The following DRC9 variants were observed in gnomAD, a reference collection of about 807,000 sequenced individuals.
DRC9 encodes the protein dynein regulatory complex subunit 9, also known as dynein regulatory complex protein 9.
the DRC9 span, among the ~76,000 whole-genome samples, chr3:197,904,158 A>G: frequency 6.6e-6 from 1 of 150,580 alleles, no homozygotes; most frequent in Non-Finnish European, 1.5e-5. Context: ...TTCTGAAAAG[A>G]AGACACACAA....
At chr3:197,941,128 TTCC>T in the DRC9 span, among the ~76,000 whole-genome samples, 10 of 144,174 alleles carry the variant, frequency 6.9e-5, no homozygotes, top group African/African-American at 2.9e-4. Context: ...TTGTTTGTCC[TTCC>T]TTCCTTCCTT....
chr3:197,914,166 G>A, the DRC9 span: 1 of 796,376 alleles, frequency 1.3e-6, no homozygotes, highest in Non-Finnish European at 2.1e-6. Flanking sequence ...TTTTTCCGCT[G>A]TCACACAATG....
the DRC9 span, among the ~76,000 whole-genome samples, chr3:197,917,275 C>A: frequency 1.3e-5 from 2 of 152,324 alleles, no homozygotes; most frequent in South Asian, 4.1e-4. Context: ...TATGCTCATG[C>A]CATTGCACTT....
the DRC9 span, among the ~76,000 whole-genome samples, chr3:197,904,103 TA>T: frequency 4.6e-3 from 175 of 38,366 alleles, 2 homozygotes; most frequent in African/African-American, 0.011. Flanking sequence ...TATATATATA[TA>T]TATATATTTT....
At chr3:197,912,903 C>T in the DRC9 span, 4 of 674,280 alleles carry the variant, frequency 5.9e-6, no homozygotes, top group South Asian at 5.1e-5. Flanking sequence ...TTCACCAACA[C>T]TGCAGAGCCA....
the DRC9 span, among the ~76,000 whole-genome samples, chr3:197,952,993 G>A: frequency 5.3e-5 from 8 of 151,874 alleles, no homozygotes; most frequent in East Asian, 1.2e-3. Flanking sequence ...TAGAGACAGG[G>A]TTTCACCATG....
At chr3:197,959,479 T>G in the DRC9 span, 1 of 152,228 alleles carries the variant, frequency 6.6e-6, no homozygotes, top group African/African-American at 2.4e-5. Flanking sequence ...GTTTGTAACT[T>G]GAGGTTTTCC....
chr3:197,906,923 C>G, the DRC9 span, among the ~76,000 whole-genome samples: 1 of 152,174 alleles, frequency 6.6e-6, no homozygotes, highest in Non-Finnish European at 1.5e-5. Flanking sequence ...AGTAGGCAGC[C>G]CAACAATTTT....
At chr3:197,928,954 G>C in the DRC9 span, among the ~76,000 whole-genome samples, 1 of 152,200 alleles carries the variant, frequency 6.6e-6, no homozygotes, top group African/African-American at 2.4e-5. Flanking sequence ...TCAAAAGTCT[G>C]GCAAAGGAGC....
the DRC9 span, among the ~76,000 whole-genome samples, chr3:197,936,969 ACT>A: frequency 2.4e-4 from 37 of 152,172 alleles, no homozygotes; most frequent in African/African-American, 8.9e-4. Context: ...AGGTCAGCAA[ACT>A]CTTTCTGTAA....
chr3:197,959,038 C>T, the DRC9 span: 1 of 152,260 alleles, frequency 6.6e-6, no homozygotes, highest in Non-Finnish European at 1.5e-5. Context: ...GAAACTACGT[C>T]TCTACTAAAA....
the DRC9 span, among the ~76,000 whole-genome samples, chr3:197,897,937 ATTTT>A: frequency 3.0e-5 from 4 of 133,076 alleles, no homozygotes; most frequent in African/African-American, 8.8e-5. Context: ...CGCCCAGCTA[ATTTT>A]TTTTTTTTTT....
At chr3:197,892,036 C>T in the DRC9 span, among the ~76,000 whole-genome samples, 7 of 152,238 alleles carry the variant, frequency 4.6e-5, no homozygotes, top group South Asian at 2.1e-4. Flanking sequence ...ATTACAGCCA[C>T]GTGCCACCAT....
the DRC9 span, among the ~76,000 whole-genome samples, chr3:197,924,671 C>T: frequency 6.6e-6 from 1 of 152,152 alleles, no homozygotes; most frequent in Non-Finnish European, 1.5e-5. Flanking sequence ...AGGTGCGCAC[C>T]ACCACACCCG....
At chr3:197,960,097 C>A in the DRC9 span, 1 of 782,672 alleles carries the variant, frequency 1.3e-6, no homozygotes, top group Non-Finnish European at 2.0e-6. Context: ...CCCTCATCTT[C>A]TGCGGCGAAC....
At chr3:197,938,771 C>T in the DRC9 span, 16 of 1,607,802 alleles carry the variant, frequency 1.0e-5, 1 homozygote, top group South Asian at 1.6e-4. Context: ...AGATTCATTT[C>T]TCTGCTTTTC....
chr3:197,889,585 T>A, the DRC9 span: 1 of 1,614,062 alleles, frequency 6.2e-7, no homozygotes, highest in East Asian at 2.2e-5. Context: ...CTTGGTCACT[T>A]CTTCTTGCCT....
At chr3:197,938,810 T>C in the DRC9 span, 7 of 1,506,488 alleles carry the variant, frequency 4.6e-6, no homozygotes, top group South Asian at 7.0e-5. Flanking sequence ...TTAGAAAGAA[T>C]TTTTTTAAAG....
chr3:197,904,007 C>CAT, the DRC9 span, among the ~76,000 whole-genome samples: 64 of 94,238 alleles, frequency 6.8e-4, no homozygotes, highest in South Asian at 9.6e-4. Flanking sequence ...TATATACATA[C>CAT]ATATATATAT....
Sources: allele counts gnomAD v4.1 joint callset (sites outside exome capture counted in the v4.1 genomes callset), GRCh38; gene constraint gnomAD v4.1.1; transcripts MANE v1.5; gene names NCBI Gene and HGNC (gene_info 2026-07-23, HGNC 2026-07-21).